Variants in MGAT5 observed in about 807,000 individuals in gnomAD.
MGAT5 encodes alpha-1,6-mannosylglycoprotein 6-beta-N-acetylglucosaminyltransferase A.
MGAT5 carries 30 observed loss-of-function variants against 94.3 expected under a neutral mutation model. The observed-to-expected ratio is 0.32, with a 90% CI of 0.24 to 0.43. The LOEUF is 0.43. Among genes scored for constraint, MGAT5 ranks in the 20% least tolerant of loss-of-function variants. The pLI, the probability that MGAT5 is intolerant of heterozygous loss-of-function variation, is 1.00. For missense variants in MGAT5, 691 were observed against 905.5 expected (o/e 0.76, Z 3.04); for synonymous variants, 310 against 322.9 (o/e 0.96, Z 0.43).
At chr2:134,423,697 G>T (rs1047857146) in intron 13 of MGAT5, among the ~76,000 whole-genome samples, 4 of 152,218 alleles carry the variant, frequency 2.6e-5, no homozygotes, top group Non-Finnish European at 4.4e-5. Context: ...TGTGGGTTCA[G>T]TTCTAGCTCT....
At chr2:134,135,013 C>T (rs1467057969) in intron 1 of MGAT5, among the ~76,000 whole-genome samples, 1 of 152,212 alleles carries the variant, frequency 6.6e-6, no homozygotes, top group Admixed American at 6.5e-5. Flanking sequence ...CTGTATCAGT[C>T]CATCTTTGTA....
intron 9 of MGAT5, among the ~76,000 whole-genome samples, chr2:134,357,296 T>C (rs1400322951): frequency 6.6e-6 from 1 of 152,230 alleles, no homozygotes; most frequent in Non-Finnish European, 1.5e-5. Flanking sequence ...ATTTTTGGGC[T>C]TTCAAGTGGC....
chr2:134,448,709 C>T lies in MGAT5; in HGVS notation c.2088C>T (p.Asp696=), dbSNP rs958220615. ...AGGACATCCTGGTGCCCTCCTTTGA[C>T]CCTAAGAATAAGCACTGTGTGTTTC... ...LAKDILVPSF[D]PKNKHCVFQG... The change falls in exon 16 of 16, where the codon GAC becomes GAT. Residue 696 remains aspartate, a synonymous_variant. Coordinates refer to ENST00000281923, the MANE Select transcript of MGAT5 (RefSeq NM_002410.5). 1.2e-6 allele frequency: 2 copies of T among 1,614,218 alleles called. No homozygotes were observed. The highest frequency in any genetic ancestry group is 1.7e-6 in the Non-Finnish European group (2 of 1,180,032).
chr2:134,160,963 G>A (rs553108259), intron 1 of MGAT5, among the ~76,000 whole-genome samples: 7 of 152,320 alleles, frequency 4.6e-5, no homozygotes, highest in African/African-American at 1.4e-4. Flanking sequence ...CTGCCAGGAC[G>A]ATCTAAGCAG....
intron 1 of MGAT5, among the ~76,000 whole-genome samples, chr2:134,121,415 T>C (rs1378911815): frequency 6.6e-6 from 1 of 152,182 alleles, no homozygotes; most frequent in Non-Finnish European, 1.5e-5. Flanking sequence ...CGCGGTTTTG[T>C]AGCCGCCGCG....
intron 10 of MGAT5, among the ~76,000 whole-genome samples, chr2:134,370,518 C>A (rs896990402): frequency 6.6e-6 from 1 of 152,252 alleles, no homozygotes; most frequent in Non-Finnish European, 1.5e-5. Flanking sequence ...AATGTGTCTC[C>A]TGCTTATTTC....
chr2:134,350,999 ACACT>A (rs1679348237), intron 9 of MGAT5, among the ~76,000 whole-genome samples: 1 of 152,068 alleles, frequency 6.6e-6, no homozygotes, highest in Non-Finnish European at 1.5e-5. Flanking sequence ...CCCCTGTCTC[ACACT>A]CACTAAATGT....
intron 1 of MGAT5, among the ~76,000 whole-genome samples, chr2:134,183,132 T>G (rs990544745): frequency 1.3e-5 from 2 of 152,340 alleles, no homozygotes; most frequent in South Asian, 2.1e-4. Context: ...TGATTCTAAC[T>G]GTTGATATTT....
intron 2 of MGAT5, among the ~76,000 whole-genome samples, chr2:134,277,051 C>T (rs894541513): frequency 6.6e-6 from 1 of 152,094 alleles, no homozygotes; most frequent in Admixed American, 6.6e-5. Context: ...TTCAGAATAT[C>T]GGTTTAAAGG....
At chr2:134,249,429 C>T (rs1307150627), upstream of MGAT5, among the ~76,000 whole-genome samples, 1 of 152,062 alleles carries the variant, frequency 6.6e-6, no homozygotes, top group South Asian at 2.1e-4. Flanking sequence ...ATACCCCAGC[C>T]CTAAGCAAGT....
intron 1 of MGAT5, among the ~76,000 whole-genome samples, chr2:134,162,206 A>C (rs1359058210): frequency 6.6e-6 from 1 of 152,046 alleles, no homozygotes; most frequent in Admixed American, 6.6e-5. Flanking sequence ...AAACAAAAAC[A>C]AAATACACCT....
intron 2 of MGAT5, among the ~76,000 whole-genome samples, chr2:134,299,444 A>G (rs61658604): frequency 0.03 from 4,532 of 152,212 alleles, 244 homozygotes; most frequent in African/African-American, 0.1. Context: ...GCCTGCAGGT[A>G]AGGTAGGGTT....
chr2:134,431,016 G>A (rs529649359), intron 14 of MGAT5, among the ~76,000 whole-genome samples: 12 of 152,316 alleles, frequency 7.9e-5, no homozygotes, highest in African/African-American at 2.9e-4. Flanking sequence ...AAGGCATCTT[G>A]CAGGAGGTGA....
chr2:134,175,724 T>C (rs948103924), intron 1 of MGAT5, among the ~76,000 whole-genome samples: 5 of 152,232 alleles, frequency 3.3e-5, no homozygotes, highest in Non-Finnish European at 7.3e-5. Context: ...TTGATGCCAC[T>C]TTGTGAATAA....
rs1688331772 is a variant in MGAT5, at chr2:134,173,761, A to C, written c.-143+53470A>C. 2.6e-5 allele frequency among the ~76,000 whole-genome samples: 4 copies of C among 152,230 alleles called. No homozygotes were observed. In the South Asian group the frequency reaches 8.3e-4, roughly 32 times the overall value. On this transcript the variant is annotated intron_variant, in intron 1 of 16. Coordinates refer to the MGAT5 transcript ENST00000409645. ...TCAACCTGTTGTTGGAGGAGTTCCC[A>C]GAGCAGCAGACTTAACTGCCATTGA...
chr2:134,313,034 A>G (rs1250641184), intron 2 of MGAT5, among the ~76,000 whole-genome samples: 1 of 134,616 alleles, frequency 7.4e-6, no homozygotes, highest in Non-Finnish European at 1.6e-5. Context: ...ACAGCAAGAA[A>G]TAAACACACA....
intron 2 of MGAT5, among the ~76,000 whole-genome samples, chr2:134,271,843 C>T (rs866310957): frequency 3.0e-4 from 46 of 152,164 alleles, no homozygotes; most frequent in African/African-American, 9.4e-4. Context: ...CTGTGTTTAG[C>T]TGCTTTTTAA....
chr2:134,438,842 T>C (rs956109385), intron 14 of MGAT5, among the ~76,000 whole-genome samples: 2 of 152,194 alleles, frequency 1.3e-5, no homozygotes, highest in African/African-American at 4.8e-5. Flanking sequence ...GTAAGCTGCA[T>C]CCTAATATCC....
intron 1 of MGAT5, among the ~76,000 whole-genome samples, chr2:134,239,080 C>T (rs1268688): frequency 3.3e-4 from 51 of 152,326 alleles, no homozygotes; most frequent in African/African-American, 4.8e-4. Context: ...CTCACTGCAA[C>T]GTCTGACTCT....
Sources: allele counts gnomAD v4.1 joint callset (sites outside exome capture counted in the v4.1 genomes callset), GRCh38; gene constraint gnomAD v4.1.1; transcripts MANE v1.5; gene names NCBI Gene and HGNC (gene_info 2026-07-23, HGNC 2026-07-21).